Variants in TANC2 observed in about 807,000 individuals in gnomAD.
The protein encoded by TANC2 is tetratricopeptide repeat, ankyrin repeat and coiled-coil containing 2, also known as protein TANC2.
A neutral mutation model predicts 210.5 loss-of-function variants in TANC2; 26 were observed. That is an observed-to-expected ratio of 0.12 (90% CI 0.09 to 0.17). The LOEUF (loss-of-function observed/expected upper bound fraction) is 0.17, where lower values mean the gene tolerates loss of function less well. TANC2 is among the 10% of genes least tolerant of loss of function. TANC2 has a pLI of 1.00. For synonymous variants in TANC2, 931 were observed against 967.1 expected (o/e 0.96, Z 0.69); for missense variants, 2,129 against 2,608.9 (o/e 0.82, Z 4.01).
chr17:63,091,474 C>G (rs1032945027), intron 3 of TANC2, among the ~76,000 whole-genome samples: 1 of 152,190 alleles, frequency 6.6e-6, no homozygotes, highest in South Asian at 2.1e-4. Context: ...GGGAATCCTT[C>G]CCCCATTTCT....
intron 2 of TANC2, among the ~76,000 whole-genome samples, chr17:63,030,264 C>T (rs2034715214): frequency 6.6e-6 from 1 of 152,052 alleles, no homozygotes. Context: ...GTTAGAATTA[C>T]TAGAGATACA....
intron 2 of TANC2, among the ~76,000 whole-genome samples, chr17:63,025,807 A>T (rs142479985): frequency 0.065 from 6,372 of 98,094 alleles, 474 homozygotes; most frequent in African/African-American, 0.21. Context: ...AAAATAAAAT[A>T]AAATAAAATT....
At chr17:63,381,676 GCCC>G (rs1422175190) in intron 15 of TANC2, among the ~76,000 whole-genome samples, 1 of 152,160 alleles carries the variant, frequency 6.6e-6, no homozygotes, top group Non-Finnish European at 1.5e-5. Flanking sequence ...CATTGGATAA[GCCC>G]CCAAGGTTAG....
At chr17:63,256,520 CTGCCCT>C (rs2043200070) in intron 8 of TANC2, among the ~76,000 whole-genome samples, 1 of 152,074 alleles carries the variant, frequency 6.6e-6, no homozygotes, top group African/African-American at 2.4e-5. Context: ...AACATATGGT[CTGCCCT>C]TGAGAATGAT....
At chr17:63,219,275 A>T (rs935733162) in intron 7 of TANC2, among the ~76,000 whole-genome samples, 1 of 151,688 alleles carries the variant, frequency 6.6e-6, no homozygotes, top group Non-Finnish European at 1.5e-5. Flanking sequence ...AATGATTTCT[A>T]TATTTTTAAA....
intron 16 of TANC2, 80 bp from the exon 17 acceptor site, chr17:63,389,228 G>T: frequency 9.4e-7 from 1 of 1,067,146 alleles, no homozygotes; most frequent in Non-Finnish European, 1.4e-6. Flanking sequence ...GTTGTAGAAT[G>T]TTAGATGGTT....
intron 9 of TANC2, among the ~76,000 whole-genome samples, chr17:63,274,142 T>G (rs1178261468): frequency 2.0e-5 from 3 of 152,186 alleles, no homozygotes; most frequent in African/African-American, 7.2e-5. Context: ...TTTTGACTGC[T>G]GAAGCAGAAG....
At chr17:63,092,156 G>A (rs969908582) in intron 3 of TANC2, among the ~76,000 whole-genome samples, 6 of 152,114 alleles carry the variant, frequency 3.9e-5, no homozygotes, top group Non-Finnish European at 5.9e-5. Context: ...GGACATTTGG[G>A]TACTTTTCAG....
chr17:63,183,583 GGGTACACTGACA>G (rs1231825134), intron 5 of TANC2, among the ~76,000 whole-genome samples: 2 of 152,166 alleles, frequency 1.3e-5, no homozygotes, highest in Non-Finnish European at 2.9e-5. Flanking sequence ...TTCGAGTGAT[GGGTACACTGACA>G]GTCCAGACTC....
intron 4 of TANC2, among the ~76,000 whole-genome samples, chr17:63,137,643 G>C (rs951444236): frequency 2.0e-5 from 3 of 152,112 alleles, no homozygotes; most frequent in Admixed American, 6.5e-5. Context: ...ACTTTGTATA[G>C]TAAAACTCTT....
At chr17:63,073,792 A>T in intron 2 of TANC2, 151 bp from the exon 3 acceptor site, 1 of 737,502 alleles carries the variant, frequency 1.4e-6, no homozygotes, top group South Asian at 2.2e-5. Flanking sequence ...ATTGGTTTAT[A>T]TAAGAAAAAT....
At chr17:63,171,223 C>T (rs2145573063) in intron 5 of TANC2, among the ~76,000 whole-genome samples, 1 of 151,298 alleles carries the variant, frequency 6.6e-6, no homozygotes, top group East Asian at 1.9e-4. Flanking sequence ...GCTGGGATTA[C>T]AGGCGCACAC....
In TANC2 at chr17:63,355,710, T is replaced by A. The variant is rs367917937; in HGVS notation, c.2582+320T>A. Among the ~76,000 whole-genome samples, 3 of 152,218 alleles carry A rather than the reference T, an allele frequency of 2.0e-5. No individual in the cohort carries two copies. The South Asian group carries it at 6.2e-4, about 32-fold the overall frequency. Reference sequence around the variant, plus strand: ...ATTTAATGGACTTCCTCAGTATTATTATTCTGATATGAAGAAAGAATTGAT... The same window carrying A: ...ATTTAATGGACTTCCTCAGTATTATAATTCTGATATGAAGAAAGAATTGAT... On this transcript the variant is annotated intron_variant, in intron 14 of 27. Transcript: ENST00000689528.
rs187180573 is a variant in TANC2, at chr17:63,164,029, T to C, written c.433+12649T>C. On this transcript the variant is annotated intron_variant, in intron 5 of 27. Transcript: ENST00000689528. Reference sequence around the variant, plus strand: ...GGAAAGATACAGTACAAATGGGTGCTAAGTTACTTTTGTTCTTGAACATTC... The same window carrying C: ...GGAAAGATACAGTACAAATGGGTGCCAAGTTACTTTTGTTCTTGAACATTC... 9.2e-5 allele frequency among the ~76,000 whole-genome samples: 14 copies of C among 152,120 alleles called. No homozygotes were observed. The East Asian group carries it at 2.7e-3, about 29-fold the overall frequency.
At chr17:63,292,109 C>T (rs1377544158) in intron 9 of TANC2, among the ~76,000 whole-genome samples, 1 of 152,154 alleles carries the variant, frequency 6.6e-6, no homozygotes, top group African/African-American at 2.4e-5. Flanking sequence ...AAGCAGATAA[C>T]TCTTCTAAGT....
At chr17:62,988,334 C>T (rs993965502) in intron 1 of TANC2, among the ~76,000 whole-genome samples, 2 of 132,222 alleles carry the variant, frequency 1.5e-5, no homozygotes, top group East Asian at 2.0e-4. Context: ...GATGGGGTTT[C>T]GCCATGTTCA....
At chr17:63,003,894 T>A (rs1190757414) in intron 1 of TANC2, among the ~76,000 whole-genome samples, 1 of 152,196 alleles carries the variant, frequency 6.6e-6, no homozygotes, top group Non-Finnish European at 1.5e-5. Flanking sequence ...TTTTTTAATT[T>A]GTTTGTTTTT....
At chr17:63,368,046 G>A (rs1487459861) in intron 14 of TANC2, among the ~76,000 whole-genome samples, 33 of 152,200 alleles carry the variant, frequency 2.2e-4, no homozygotes, top group Non-Finnish European at 1.5e-5. Context: ...GGAATGGTAA[G>A]ACCTATAACA....
In TANC2 at chr17:63,207,762, A is replaced by G. The variant is rs960455860; in HGVS notation, c.769+6805A>G. On this transcript the variant is annotated intron_variant, in intron 7 of 27. Transcript: ENST00000689528. Reference sequence around the variant, plus strand: ...TCGGAATGTTAGAAGTGAAATTGTCAGATTATTAGAAATGTGTCTCTTTCA... The same window carrying G: ...TCGGAATGTTAGAAGTGAAATTGTCGGATTATTAGAAATGTGTCTCTTTCA... Among the ~76,000 whole-genome samples the G allele has an allele frequency of 1.8e-4, 28 of 152,292 alleles. 1 individual carries two copies. Among genetic ancestry groups the G allele is most frequent in the Middle Eastern group, 3.4e-3 (1 of 292 alleles).
Sources: gnomAD v4.1 joint callset for allele counts (sites outside exome capture counted in the v4.1 genomes callset) on GRCh38, gnomAD v4.1.1 for gene constraint, MANE v1.5 for transcripts, NCBI Gene and HGNC (gene_info 2026-07-23, HGNC 2026-07-21) for gene names.